Variants in MMP26 observed in about 807,000 individuals in gnomAD.
MMP26 encodes matrix metalloproteinase-26.
A neutral mutation model predicts 31.0 loss-of-function variants in MMP26; 33 were observed. The ratio of observed to expected loss-of-function variants is 1.06; its 90% confidence interval spans 0.81 to 1.42. The LOEUF is 1.42. MMP26 is among the 40% of genes most tolerant of loss of function. The pLI is 0.00. For missense variants in MMP26, 347 were observed against 316.1 expected, an observed-to-expected ratio of 1.10 and a Z score of -0.74; for synonymous variants, 122 against 114.9, an observed-to-expected ratio of 1.06 and a Z score of -0.40.
At chr11:4,976,657 C>T (rs1332311623) in intron 2 of MMP26, among the ~76,000 whole-genome samples, 1 of 151,970 alleles carries the variant, frequency 6.6e-6, no homozygotes, top group African/African-American at 2.4e-5. Flanking sequence ...CTGAGGATGA[C>T]ACCTCAGGAA....
intron 2 of MMP26, chr11:4,914,473 A>G: frequency 2.2e-6 from 1 of 444,690 alleles, no homozygotes; most frequent in South Asian, 3.8e-5. Context: ...TTCCTGGAAG[A>G]GCATGTGGGT....
intron 2 of MMP26, among the ~76,000 whole-genome samples, chr11:4,845,830 G>A (rs1849859152): frequency 6.6e-6 from 1 of 152,090 alleles, no homozygotes; most frequent in Non-Finnish European, 1.5e-5. Flanking sequence ...TGACAAACAG[G>A]CATCTGTAAA....
rs186031296 is a variant in MMP26 at position 4,840,225 on chromosome 11, G to A, written c.-145+72884G>A. Among the ~76,000 whole-genome samples the A allele has an allele frequency of 7.1e-3, 1,080 of 152,300 alleles. 10 individuals are homozygous for A. The highest frequency in any genetic ancestry group is 0.025 in the African/African-American group (1,050 of 41,558). ...TGCCTAAATCCCCGACAGCATCTCTGGACCCACCTGGGGCCTAGGGGATCT... is the reference window on the plus strand; with the variant it reads ...TGCCTAAATCCCCGACAGCATCTCTAGACCCACCTGGGGCCTAGGGGATCT... On this transcript the variant is annotated intron_variant, in intron 2 of 7. Transcript: ENST00000380390.
chr11:4,803,867 A>G (rs1187409501), intron 2 of MMP26: 2 of 1,612,680 alleles, frequency 1.2e-6, no homozygotes, highest in East Asian at 4.5e-5. Flanking sequence ...TGGTGTTGGC[A>G]GAAGGGCATC....
chr11:4,753,645 G>T (rs1176681523), intron 1 of MMP26, among the ~76,000 whole-genome samples: 1 of 152,000 alleles, frequency 6.6e-6, no homozygotes, highest in East Asian at 1.9e-4. Context: ...TTGACTAATT[G>T]TGATTTGGAA....
chr11:4,915,698 C>A, intron 2 of MMP26: 2 of 1,502,766 alleles, frequency 1.3e-6, no homozygotes, highest in African/African-American at 1.4e-5. Flanking sequence ...TGGGTGCCCT[C>A]CAAAATCCTG....
At chr11:4,815,652 G>A (rs925078433) in intron 2 of MMP26, among the ~76,000 whole-genome samples, 1 of 151,948 alleles carries the variant, frequency 6.6e-6, no homozygotes, top group African/African-American at 2.4e-5. Flanking sequence ...GAAAAATCCT[G>A]GAATATATGC....
chr11:4,899,975 T>C (rs1043707966), intron 2 of MMP26, among the ~76,000 whole-genome samples: 1 of 152,150 alleles, frequency 6.6e-6, no homozygotes, highest in Non-Finnish European at 1.5e-5. Context: ...TTCCCAAATA[T>C]ATTTATTCTA....
chr11:4,709,907 G>A, intron 1 of MMP26: 1 of 456,948 alleles, frequency 2.2e-6, no homozygotes, highest in South Asian at 1.5e-5. Context: ...CATTCATGGA[G>A]TCCTCAGTAC....
rs767988540 is a variant in MMP26 at position 4,769,922 on chromosome 11, T to C, written c.-145+2581T>C. On this transcript the variant is annotated intron_variant, in intron 2 of 7. Transcript: ENST00000380390. The stretch of plus-strand genomic sequence containing the variant: ...TGAGTTGCTTAGGATTTCCATGGTG[T>C]CCTGGTTTTGCAGCATTTGTCCTCA... 1.8e-5 allele frequency: 28 copies of C among 1,540,998 alleles called. 1 individual carries two copies. Among genetic ancestry groups the C allele is most frequent in the Admixed American group, 6.7e-5 (4 of 59,660 alleles).
chr11:4,786,266 A>G (rs1161239449), intron 2 of MMP26, among the ~76,000 whole-genome samples: 1 of 152,142 alleles, frequency 6.6e-6, no homozygotes, highest in East Asian at 1.9e-4. Flanking sequence ...TCTAGTAGGA[A>G]GGACAGTTAT....
chr11:4,946,890 A>T (rs778726536), intron 2 of MMP26: 6 of 1,606,650 alleles, frequency 3.7e-6, no homozygotes, highest in Non-Finnish European at 4.2e-6. Context: ...CCCAAGTCTG[A>T]CATAGCCAAC....
rs76173059 is a variant in MMP26 at position 4,982,594 on chromosome 11, A to G, written c.-144-5474A>G. 8.2e-3 allele frequency among the ~76,000 whole-genome samples: 1,243 copies of G among 152,356 alleles called. 46 individuals carry two copies. The highest frequency in any genetic ancestry group is 0.066 in the Admixed American group (1,004 of 15,298). On this transcript the variant is annotated intron_variant, in intron 2 of 7. Transcript: ENST00000380390. Reference sequence around the variant, plus strand: ...CATGTAATTAAATGACATAATTCATACAAATAGCACTTAACAATCAGTAAA... The same window carrying G: ...CATGTAATTAAATGACATAATTCATGCAAATAGCACTTAACAATCAGTAAA...
chr11:4,813,063 G>A (rs1849371777), intron 2 of MMP26, among the ~76,000 whole-genome samples: 1 of 151,392 alleles, frequency 6.6e-6, no homozygotes, highest in Non-Finnish European at 1.5e-5. Flanking sequence ...ATACCAATAA[G>A]TACATTTTAA....
chr11:4,821,641 A>T, intron 2 of MMP26: 1 of 1,613,998 alleles, frequency 6.2e-7, no homozygotes, highest in Non-Finnish European at 8.5e-7. Flanking sequence ...CACAGACCTG[A>T]GCTTGTCCCT....
chr11:4,942,635 A>T (rs1175008070), intron 2 of MMP26, among the ~76,000 whole-genome samples: 1 of 152,148 alleles, frequency 6.6e-6, no homozygotes, highest in Admixed American at 6.5e-5. Context: ...TTGCAATAAG[A>T]TATTTTCATC....
intron 2 of MMP26, among the ~76,000 whole-genome samples, chr11:4,800,265 G>C (rs1849164027): frequency 6.6e-6 from 1 of 152,238 alleles, no homozygotes; most frequent in Non-Finnish European, 1.5e-5. Flanking sequence ...TTAGGGGGAA[G>C]CCTGCAAGCC....
chr11:4,859,191 G>A (rs1807038750), intron 2 of MMP26, among the ~76,000 whole-genome samples: 1 of 152,106 alleles, frequency 6.6e-6, no homozygotes, highest in South Asian at 2.1e-4. Flanking sequence ...AACACCAAAA[G>A]CAATGGCAAC....
intron 2 of MMP26, among the ~76,000 whole-genome samples, chr11:4,957,044 T>A (rs1016931777): frequency 6.6e-6 from 1 of 152,116 alleles, no homozygotes; most frequent in Non-Finnish European, 1.5e-5. Flanking sequence ...ATCACAGAAG[T>A]GTTGTAGGGT....
Sources: gnomAD v4.1 joint callset for allele counts (sites outside exome capture counted in the v4.1 genomes callset) on GRCh38, gnomAD v4.1.1 for gene constraint, MANE v1.5 for transcripts, NCBI Gene and HGNC (gene_info 2026-07-23, HGNC 2026-07-21) for gene names.